NR2F1: variants seen among roughly 807,000 people sequenced by gnomAD.
NR2F1 encodes the protein COUP transcription factor 1.
A neutral mutation model predicts 37.7 loss-of-function variants in NR2F1; 1 was observed. The observed-to-expected ratio is 0.03, with a 90% CI of 0.01 to 0.13. The LOEUF (loss-of-function observed/expected upper bound fraction) is 0.13, where lower values mean the gene tolerates loss of function less well. NR2F1 is among the 10% of genes least tolerant of loss of function. The pLI, the probability that NR2F1 is intolerant of heterozygous loss-of-function variation, is 1.00. For missense variants in NR2F1, 268 were observed against 578.4 expected, an observed-to-expected ratio of 0.46 and a Z score of 5.50; for synonymous variants, 275 against 259.6, an observed-to-expected ratio of 1.06 and a Z score of -0.57.
intron 1 of NR2F1, among the ~76,000 whole-genome samples, chr5:93,586,830 T>C (rs1690746097): frequency 6.6e-6 from 1 of 152,182 alleles, no homozygotes; most frequent in African/African-American, 2.4e-5. Context: ...TTCAAGAGCT[T>C]CAATTGCACT....
chr5:93,593,860 C>T lies in NR2F1; in HGVS notation c.*18C>T, dbSNP rs1753376557. 4 of 1,607,740 alleles carry T rather than the reference C, an allele frequency of 2.5e-6. No homozygotes were observed. The highest frequency in any genetic ancestry group is 3.4e-6 in the Non-Finnish European group (4 of 1,175,792). On this transcript the variant is annotated 3_prime_UTR_variant, in exon 3 of 3. Transcript: ENST00000327111. This position sits in a 1 kb window ranked among gnomAD's most constrained non-coding sequence, Gnocchi z 5.6. ...GCTCCTAGACCTTGGGCGCTTCCCA[C>T]CTGCCCCGTCCCCCTAGAGACTCAG...
chr5:93,585,708 C>T, intron 1 of NR2F1: 1 of 562,416 alleles, frequency 1.8e-6, no homozygotes, highest in Non-Finnish European at 3.2e-6. Flanking sequence ...ATCTCCCCGG[C>T]TCCCCCACCC....
intron 2 of NR2F1, among the ~76,000 whole-genome samples, chr5:93,588,857 G>A (rs1753283176): frequency 6.6e-6 from 1 of 152,072 alleles, no homozygotes; most frequent in South Asian, 2.1e-4. Context: ...GTGTGAGCCA[G>A]AGCTCAGCGT....
In NR2F1 at chr5:93,587,898, C is replaced by T. The variant is rs904035084; in HGVS notation, c.464-19C>T. The T allele has an allele frequency of 9.1e-6, 14 of 1,546,628 alleles. No individual in the cohort carries two copies. In the African/African-American group the frequency reaches 1.4e-4, roughly 15 times the overall value. On this transcript the variant is annotated intron_variant, in intron 1 of 2. Transcript: ENST00000327111. ...TCCCTGGATGCACATTGCCTCTTTTCTCTCTTTCTTTTTGTCAGCGGTTCA... is the reference window on the plus strand; with the variant it reads ...TCCCTGGATGCACATTGCCTCTTTTTTCTCTTTCTTTTTGTCAGCGGTTCA...
At chr5:93,592,743 T>C (rs1350971929) in intron 2 of NR2F1, among the ~76,000 whole-genome samples, 1 of 144,484 alleles carries the variant, frequency 6.9e-6, no homozygotes, top group South Asian at 2.4e-4. Flanking sequence ...GTCTGATTGC[T>C]GAAGATGTCG....
chr5:93,584,830 AGCG>A lies in NR2F1; in HGVS notation c.-180_-178del, dbSNP rs972209175. On this transcript the variant is annotated 5_prime_UTR_variant, in exon 1 of 3. Coordinates refer to ENST00000327111, the MANE Select transcript of NR2F1 (RefSeq NM_005654.6). ...GGGCGGCCGAGGCAGTAGCGGCGGC[AGCG>A]GCGGCGGCGGCGGAGGCAGCGGCCG... 33 of 156,264 alleles carry A rather than the reference AGCG, an allele frequency of 2.1e-4. No individual in the cohort carries two copies. Among genetic ancestry groups the A allele is most frequent in the Non-Finnish European group, 3.4e-4 (25 of 72,624 alleles). 9.7% of individuals were successfully genotyped at this position (156,264 alleles called of 1,614,324 possible).
chr5:93,584,912 G>GCCCCCT lies in NR2F1; in HGVS notation c.-100_-95dup, dbSNP rs1753200161. The GCCCCCT allele has an allele frequency of 1.3e-4, 3 of 23,704 alleles. No homozygotes were observed. Among genetic ancestry groups the GCCCCCT allele is most frequent in the South Asian group, 1.5e-3 (2 of 1,292 alleles). 1.5% of individuals were successfully genotyped at this position (23,704 alleles called of 1,614,324 possible). On this transcript the variant is annotated 5_prime_UTR_variant, in exon 1 of 3. Transcript: ENST00000327111. ...CCCCGGGGCGCCCGGCGGGCCCCCC[G>GCCCCCT]CCCCCTCCCCCTCCCCCCTTCCCCT...
chr5:93,585,095 C>T lies in NR2F1; in HGVS notation c.72C>T (p.Asn24=). ...CCGGGGGCAACCCCGGCGGCCCCAA[C>T]CCCGCAGCGCAGGCGGCCCGCGGCG... ...DVAGGNPGGP[N]PAAQAARGGG... The change falls in exon 1 of 3, where the codon AAC becomes AAT. Residue 24 remains asparagine (N), a synonymous_variant. Coordinates refer to ENST00000327111, the MANE Select transcript of NR2F1 (RefSeq NM_005654.6). 2.0e-6 allele frequency: 2 copies of T among 1,003,222 alleles called. No individual in the cohort carries two copies. The highest frequency in any genetic ancestry group is 2.4e-6 in the Non-Finnish European group (2 of 843,892). 62.1% of individuals were successfully genotyped at this position (1,003,222 alleles called of 1,614,324 possible).
Position 93,593,940 on chromosome 5 carries a change from G to C in NR2F1, c.*98G>C. 3.2e-6 allele frequency: 4 copies of C among 1,243,166 alleles called. No individual in the cohort carries two copies. The highest frequency in any genetic ancestry group is 2.3e-6 in the Non-Finnish European group (2 of 885,772). The allele number at this position is 1,243,166 out of a possible 1,614,324, so 77.0% of individuals were successfully genotyped here. On this transcript the variant is annotated 3_prime_UTR_variant, in exon 3 of 3. Transcript: ENST00000327111. The surrounding 1 kb of genome is among the most constrained non-coding windows in gnomAD (Gnocchi z 5.6). ...CCGCGGGGACACCGGGAAGTGCAGC[G>C]GGCCAGGCAGGCTGGGTGGGAGGGA... is the stretch of plus-strand genomic sequence containing the variant.
chr5:93,586,296 T>C (rs370761533), intron 1 of NR2F1, among the ~76,000 whole-genome samples: 4 of 152,202 alleles, frequency 2.6e-5, no homozygotes, highest in South Asian at 2.1e-4. Context: ...TGCATACAAA[T>C]TACAATTTAC....
chr5:93,586,101 T>C (rs946476151), intron 1 of NR2F1, among the ~76,000 whole-genome samples: 1 of 152,088 alleles, frequency 6.6e-6, no homozygotes, highest in Non-Finnish European at 1.5e-5. Context: ...TTCTGGCCCG[T>C]TCACTGGTTC....
intron 1 of NR2F1, among the ~76,000 whole-genome samples, chr5:93,586,502 C>T (rs1236582118): frequency 1.3e-5 from 2 of 152,004 alleles, no homozygotes; most frequent in Non-Finnish European, 2.9e-5. Context: ...TATATTTAGC[C>T]GTTTACAGTT....
intron 2 of NR2F1, among the ~76,000 whole-genome samples, chr5:93,591,049 C>T (rs1348738945): frequency 6.6e-6 from 1 of 152,218 alleles, no homozygotes; most frequent in Non-Finnish European, 1.5e-5. Context: ...ATCTATATTT[C>T]CTGAACACTA....
At position 93,594,225 on chromosome 5, in the gene NR2F1, T is replaced by C; in HGVS notation, c.*383T>C. ...TGTGGACGGATGTGGATATATTCTGTACAGGAACAACACATATGGAAGTGG... is the reference window on the plus strand; with the variant it reads ...TGTGGACGGATGTGGATATATTCTGCACAGGAACAACACATATGGAAGTGG... On this transcript the variant is annotated 3_prime_UTR_variant, in exon 3 of 3. Coordinates refer to ENST00000327111, the MANE Select transcript of NR2F1 (RefSeq NM_005654.6). 5.0e-6 allele frequency: 1 copy of C among 199,006 alleles called. No individual in the cohort carries two copies. The highest frequency in any genetic ancestry group is 2.3e-5 in the African/African-American group (1 of 42,702). The allele number at this position is 199,006 out of a possible 1,614,324, so 12.3% of individuals were successfully genotyped here. A position where few individuals can be genotyped will look rare whatever the true frequency, so the allele number is the denominator to read the frequency against.
At chr5:93,591,661 A>G (rs1753331939) in intron 2 of NR2F1, among the ~76,000 whole-genome samples, 1 of 151,784 alleles carries the variant, frequency 6.6e-6, no homozygotes, top group Admixed American at 6.6e-5. Context: ...TATTTTACTG[A>G]GCTGAGGGGA....
intron 2 of NR2F1, among the ~76,000 whole-genome samples, chr5:93,588,733 T>G (rs1250500344): frequency 6.7e-6 from 1 of 148,372 alleles, no homozygotes; most frequent in South Asian, 2.1e-4. Flanking sequence ...CTGCCGAGGG[T>G]GTGTGTCTGA....
chr5:93,585,154 C>T lies in NR2F1; in HGVS notation c.131C>T (p.Ala44Val), dbSNP rs1753207201. The part of the protein sequence containing the change: ...GGGAGEQQQQ[A>V]GSGAPHTPQT... ...GGCGCCGGCGAGCAGCAGCAGCAGG[C>T]GGGCTCGGGCGCGCCGCACACGCCG... The change falls in exon 1 of 3, where the codon GCG (alanine) becomes GTG (valine). Residue 44 changes from alanine (A) to valine (V), a missense_variant. Coordinates refer to ENST00000327111, the MANE Select transcript of NR2F1 (RefSeq NM_005654.6). 8.6e-7 allele frequency: 1 copy of T among 1,163,110 alleles called. No individual in the cohort carries two copies. The highest frequency in any genetic ancestry group is 1.1e-6 in the Non-Finnish European group (1 of 944,402). 72.0% of individuals were successfully genotyped at this position (1,163,110 alleles called of 1,614,324 possible).
chr5:93,590,354 C>T (rs548663950), intron 2 of NR2F1, among the ~76,000 whole-genome samples: 107 of 152,110 alleles, frequency 7.0e-4, no homozygotes, highest in Non-Finnish European at 1.4e-3. Flanking sequence ...ATGCCCTTTC[C>T]CAGAGAGAGG....
intron 2 of NR2F1, among the ~76,000 whole-genome samples, chr5:93,592,683 C>T (rs1479130337): frequency 1.5e-5 from 2 of 135,470 alleles, no homozygotes; most frequent in African/African-American, 5.5e-5. Context: ...TCCCCCCCTA[C>T]CCCCCCAGTT....
Sources: gnomAD v4.1 joint callset for allele counts (sites outside exome capture counted in the v4.1 genomes callset) on GRCh38, gnomAD v4.1.1 for gene constraint, Gnocchi (gnomAD v3.1) non-coding constraint, MANE v1.5 for transcripts, NCBI Gene and HGNC (gene_info 2026-07-23, HGNC 2026-07-21) for gene names.